Variants in ITPRID1 observed in about 807,000 individuals in gnomAD.
ITPRID1 encodes ITPR interacting domain containing 1.
Under a neutral mutation model 95.4 loss-of-function variants are expected in ITPRID1, and 96 were observed. The observed-to-expected ratio is 1.01, with a 90% confidence interval of 0.85 to 1.19. The LOEUF (loss-of-function observed/expected upper bound fraction) is 1.19. Among genes scored for constraint, ITPRID1 ranks in the 50% most tolerant of loss-of-function variants. ITPRID1 has a pLI of 0.00. For synonymous variants in ITPRID1, 510 were observed against 453.6 expected (o/e 1.12, Z -1.58); for missense variants, 1,339 against 1,252.9 (o/e 1.07, Z -1.04).
At chr7:31,518,916 A>G (rs1783130555) in intron 1 of ITPRID1, among the ~76,000 whole-genome samples, 1 of 152,186 alleles carries the variant, frequency 6.6e-6, no homozygotes, top group Admixed American at 6.5e-5. Context: ...GAAGATGCAA[A>G]AGAAGTTGGG....
At chr7:31,614,779 G>A (rs1251734275) in intron 10 of ITPRID1, among the ~76,000 whole-genome samples, 2 of 152,152 alleles carry the variant, frequency 1.3e-5, no homozygotes, top group Non-Finnish European at 2.9e-5. Context: ...GAACATCATT[G>A]TCATCTGGTT....
chr7:31,521,671 CT>C (rs1783261924), intron 1 of ITPRID1, among the ~76,000 whole-genome samples: 4 of 104,916 alleles, frequency 3.8e-5, no homozygotes, highest in African/African-American at 1.1e-4. Flanking sequence ...TCCTTCCTTC[CT>C]TCCTTCCTTC....
intron 1 of ITPRID1, among the ~76,000 whole-genome samples, chr7:31,534,379 C>T (rs1044443263): frequency 6.6e-6 from 1 of 152,102 alleles, no homozygotes; most frequent in Non-Finnish European, 1.5e-5. Context: ...GTTAAATCTC[C>T]AGCTCTGAAT....
intron 1 of ITPRID1, among the ~76,000 whole-genome samples, chr7:31,533,650 ATATGT>A (rs1344960644): frequency 9.2e-5 from 14 of 151,974 alleles, no homozygotes; most frequent in African/African-American, 2.7e-4. Context: ...ACACATTTTG[ATATGT>A]TATATTTCCT....
chr7:31,578,735 A>G (rs1023194464), intron 9 of ITPRID1, among the ~76,000 whole-genome samples: 2 of 152,062 alleles, frequency 1.3e-5, no homozygotes, highest in Non-Finnish European at 2.9e-5. Flanking sequence ...TATGCTTTTT[A>G]TCTATTCTCT....
intron 10 of ITPRID1, among the ~76,000 whole-genome samples, chr7:31,615,696 A>T (rs1787138893): frequency 2.0e-5 from 3 of 152,092 alleles, no homozygotes; most frequent in Non-Finnish European, 4.4e-5. Flanking sequence ...CTAATAACAT[A>T]CTAAGTGACC....
chr7:31,525,105 C>T (rs556431715), intron 1 of ITPRID1, among the ~76,000 whole-genome samples: 1 of 152,250 alleles, frequency 6.6e-6, no homozygotes, highest in Non-Finnish European at 1.5e-5. Flanking sequence ...GGCCATTTAT[C>T]ATGCATTATT....
intron 7 of ITPRID1, among the ~76,000 whole-genome samples, chr7:31,573,687 C>G (rs183024884): frequency 4.5e-4 from 68 of 152,014 alleles, no homozygotes; most frequent in Non-Finnish European, 2.5e-4. Context: ...CCATGAAAGA[C>G]TCCCATAGTC....
At chr7:31,566,169 G>T (rs532664502) in intron 5 of ITPRID1, among the ~76,000 whole-genome samples, 1 of 152,292 alleles carries the variant, frequency 6.6e-6, no homozygotes, top group South Asian at 2.1e-4. Context: ...CCAGATTCTG[G>T]ATGACTGGGT....
chr7:31,605,401 A>C (rs1313610437), intron 10 of ITPRID1, among the ~76,000 whole-genome samples: 1 of 152,208 alleles, frequency 6.6e-6, no homozygotes, highest in African/African-American at 2.4e-5. Context: ...TTCAAGGTGA[A>C]TATTGCATCA....
chr7:31,625,967 T>C (rs999038852), intron 10 of ITPRID1, among the ~76,000 whole-genome samples: 38 of 152,280 alleles, frequency 2.5e-4, no homozygotes, highest in Non-Finnish European at 4.3e-4. Context: ...TTGGTGATAA[T>C]AAATATCTTC....
At chr7:31,596,613 T>C (rs376047331) in intron 10 of ITPRID1, among the ~76,000 whole-genome samples, 1 of 151,716 alleles carries the variant, frequency 6.6e-6, no homozygotes, top group South Asian at 2.1e-4. Context: ...CATCATCAAC[T>C]TGACAGATTT....
chr7:31,523,093 A>G (rs1352013444), intron 1 of ITPRID1, among the ~76,000 whole-genome samples: 1 of 152,238 alleles, frequency 6.6e-6, no homozygotes, highest in Non-Finnish European at 1.5e-5. Flanking sequence ...CACTCAGCAC[A>G]GTGCCTTGCA....
chr7:31,581,352 T>C (rs1201187074), intron 9 of ITPRID1, among the ~76,000 whole-genome samples: 1 of 152,222 alleles, frequency 6.6e-6, no homozygotes, highest in Non-Finnish European at 1.5e-5. Flanking sequence ...AACATATTTT[T>C]GCTTAATTTT....
chr7:31,604,735 T>G (rs1405350542), intron 10 of ITPRID1, among the ~76,000 whole-genome samples: 2 of 152,220 alleles, frequency 1.3e-5, no homozygotes, highest in African/African-American at 4.8e-5. Context: ...TTTAACAAGT[T>G]TAACAAGAGA....
At chr7:31,573,455 G>A (rs566618036) in intron 7 of ITPRID1, among the ~76,000 whole-genome samples, 75 of 152,060 alleles carry the variant, frequency 4.9e-4, no homozygotes, top group African/African-American at 9.6e-4. Context: ...GTAAGTGGGC[G>A]TCCCCAGTGA....
At chr7:31,530,588 A>G (rs1026281277) in intron 1 of ITPRID1, among the ~76,000 whole-genome samples, 3 of 152,154 alleles carry the variant, frequency 2.0e-5, no homozygotes, top group African/African-American at 4.8e-5. Context: ...TTTTATTTCT[A>G]TTTGCTAAGA....
At chr7:31,625,426 G>A (rs1209181164) in intron 10 of ITPRID1, among the ~76,000 whole-genome samples, 1 of 151,986 alleles carries the variant, frequency 6.6e-6, no homozygotes, top group Non-Finnish European at 1.5e-5. Flanking sequence ...TATACACCAT[G>A]GAATACTATG....
intron 1 of ITPRID1, among the ~76,000 whole-genome samples, chr7:31,515,645 C>T (rs533892188): frequency 2.7e-4 from 41 of 152,188 alleles, no homozygotes; most frequent in South Asian, 2.5e-3. Flanking sequence ...ATGTCCAGTA[C>T]GTGAAAAAGC....
Sources: allele counts gnomAD v4.1 joint callset (sites outside exome capture counted in the v4.1 genomes callset), GRCh38; gene constraint gnomAD v4.1.1; transcripts MANE v1.5; gene names NCBI Gene and HGNC (gene_info 2026-07-23, HGNC 2026-07-21).